Variants in CACNA1C observed in about 807,000 individuals in gnomAD.
The protein encoded by CACNA1C is calcium voltage-gated channel subunit alpha1 C.
CACNA1C carries 30 observed loss-of-function variants against 229.0 expected under a neutral mutation model. That is an observed-to-expected ratio of 0.13 (90% CI 0.10 to 0.18). The LOEUF is 0.18. Ranked by LOEUF, CACNA1C falls within the 10% of genes least tolerant of loss-of-function variation. CACNA1C has a pLI of 1.00. For missense variants in CACNA1C, 1,658 were observed against 2,845.0 expected, an observed-to-expected ratio of 0.58 and a Z score of 9.49; for synonymous variants, 1,114 against 1,132.5, an observed-to-expected ratio of 0.98 and a Z score of 0.33.
chr12:2,538,808 T>C (rs1208450117), intron 9 of CACNA1C, among the ~76,000 whole-genome samples: 1 of 152,204 alleles, frequency 6.6e-6, no homozygotes, highest in Non-Finnish European at 1.5e-5. Context: ...ACTTTCCAAG[T>C]TATTGTTTTC....
chr12:2,594,249 GA>G (rs1243023316), intron 19 of CACNA1C, among the ~76,000 whole-genome samples: 2 of 152,116 alleles, frequency 1.3e-5, no homozygotes, highest in African/African-American at 4.8e-5. Flanking sequence ...TTCAGTTATT[GA>G]AAAAGTACAG....
intron 3 of CACNA1C, among the ~76,000 whole-genome samples, chr12:2,317,509 G>A (rs1260800465): frequency 6.6e-6 from 1 of 152,148 alleles, no homozygotes; most frequent in Non-Finnish European, 1.5e-5. Flanking sequence ...GGGGAATGGG[G>A]AGCTATTGAA....
intron 3 of CACNA1C, among the ~76,000 whole-genome samples, chr12:2,296,756 T>C (rs112232495): frequency 0.022 from 3,378 of 152,340 alleles, 112 homozygotes; most frequent in African/African-American, 0.078. Flanking sequence ...GTCTGTGGTC[T>C]AACAGTACGG....
intron 1 of CACNA1C, among the ~76,000 whole-genome samples, chr12:2,019,337 G>T (rs759664718): frequency 3.9e-5 from 6 of 152,034 alleles, no homozygotes; most frequent in African/African-American, 7.2e-5. Context: ...TGTGGCACGT[G>T]CCTGTAGTCC....
chr12:2,635,359 C>T (rs748264142), intron 30 of CACNA1C, among the ~76,000 whole-genome samples: 9 of 152,308 alleles, frequency 5.9e-5, no homozygotes, highest in Non-Finnish European at 8.8e-5. Context: ...AGCCTTCTTG[C>T]GGTCTTTAAC....
At chr12:2,025,292 A>G (rs1438307400) in intron 1 of CACNA1C, among the ~76,000 whole-genome samples, 1 of 152,148 alleles carries the variant, frequency 6.6e-6, no homozygotes, top group African/African-American at 2.4e-5. Flanking sequence ...CATCTGGAAG[A>G]GCTGATTCCA....
intron 3 of CACNA1C, among the ~76,000 whole-genome samples, chr12:2,302,204 T>A (rs1024169940): frequency 2.0e-4 from 30 of 152,198 alleles, no homozygotes; most frequent in African/African-American, 7.0e-4. Flanking sequence ...GAGGCCTCAT[T>A]CTTGCTATTA....
chr12:2,251,416 C>T (rs1319604873), intron 3 of CACNA1C, among the ~76,000 whole-genome samples: 1 of 152,166 alleles, frequency 6.6e-6, no homozygotes, highest in African/African-American at 2.4e-5. Flanking sequence ...GAAAATTCTC[C>T]CCTGCAAGGG....
At chr12:2,399,604 TCTTCTCTC>T (rs1271797698) in intron 3 of CACNA1C, among the ~76,000 whole-genome samples, 1 of 152,200 alleles carries the variant, frequency 6.6e-6, no homozygotes, top group Non-Finnish European at 1.5e-5. Context: ...ACACCTCTTC[TCTTCTCTC>T]CTTCTCTGCC....
intron 3 of CACNA1C, among the ~76,000 whole-genome samples, chr12:2,227,273 A>G (rs1195780375): frequency 3.3e-5 from 5 of 152,192 alleles, no homozygotes; most frequent in Non-Finnish European, 7.3e-5. Context: ...GAGCATTTCA[A>G]GCTTTGAGTG....
chr12:2,201,757 C>A (rs930252136), intron 3 of CACNA1C, among the ~76,000 whole-genome samples: 15 of 152,160 alleles, frequency 9.9e-5, no homozygotes, highest in South Asian at 6.2e-4. Flanking sequence ...GCGTGTCTTC[C>A]TTGAGTGAGG....
chr12:1,980,504 C>T (rs1404434039), intron 1 of CACNA1C, among the ~76,000 whole-genome samples: 1 of 151,812 alleles, frequency 6.6e-6, no homozygotes, highest in Non-Finnish European at 1.5e-5. Context: ...TACATGTTCT[C>T]AATATGTTTT....
chr12:2,155,104 C>G (rs2095490447), intron 3 of CACNA1C, among the ~76,000 whole-genome samples: 1 of 152,202 alleles, frequency 6.6e-6, no homozygotes, highest in South Asian at 2.1e-4. Context: ...CTTGCAATCC[C>G]ACAGGCGCAC....
Position 2,027,472 on chromosome 12 carries a change from G to A in CACNA1C, c.139+56271G>A, listed in dbSNP as rs113996628. On this transcript the variant is annotated intron_variant, in intron 1 of 46. Coordinates refer to the CACNA1C transcript ENST00000682462. ...TGAAAATAAATTATCTTTATGCTGCGGCTGCTATTAATATATTCCTGTTTG... is the reference window on the plus strand; with the variant it reads ...TGAAAATAAATTATCTTTATGCTGCAGCTGCTATTAATATATTCCTGTTTG... Among the ~76,000 whole-genome samples, 702 of 152,174 alleles carry A rather than the reference G, an allele frequency of 4.6e-3. 4 individuals are homozygous for A. The highest frequency in any genetic ancestry group is 0.016 in the African/African-American group (675 of 41,508).
upstream of CACNA1C, among the ~76,000 whole-genome samples, chr12:2,051,128 T>G (rs1458340702): frequency 6.6e-6 from 1 of 152,230 alleles, no homozygotes; most frequent in Non-Finnish European, 1.5e-5. Flanking sequence ...CTGTCAGTAC[T>G]GAATCAGGAT....
intron 3 of CACNA1C, among the ~76,000 whole-genome samples, chr12:2,373,128 TC>T (rs1436177814): frequency 6.6e-6 from 1 of 152,232 alleles, no homozygotes; most frequent in African/African-American, 2.4e-5. Context: ...AAAGAGACTT[TC>T]AGCGAAGGAG....
At chr12:2,033,866 C>T (rs2048650808) in intron 1 of CACNA1C, among the ~76,000 whole-genome samples, 1 of 152,148 alleles carries the variant, frequency 6.6e-6, no homozygotes, top group Non-Finnish European at 1.5e-5. Flanking sequence ...TTTGCCTGGC[C>T]CTGGCCATAC....
chr12:2,579,470 C>T (rs558882001), intron 13 of CACNA1C, among the ~76,000 whole-genome samples: 30 of 152,208 alleles, frequency 2.0e-4, no homozygotes, highest in African/African-American at 7.0e-4. Flanking sequence ...GCCCCAGAGT[C>T]AGCCCCAGAG....
rs372055026 is a variant in CACNA1C at position 2,378,456 on chromosome 12, T to C, written c.478-70520T>C. 2.4e-4 allele frequency among the ~76,000 whole-genome samples: 36 copies of C among 152,298 alleles called. No individual in the cohort carries two copies. The East Asian group carries it at 5.0e-3, about 21-fold the overall frequency. ...CAAAAGCGCCTGTCTTCATTACCCA[T>C]GATTCCTCAAATCATCAAACGTAAG... is the stretch of plus-strand genomic sequence containing the variant. On this transcript the variant is annotated intron_variant, in intron 3 of 46. Transcript: ENST00000399655.
Sources: allele counts gnomAD v4.1 joint callset (sites outside exome capture counted in the v4.1 genomes callset), GRCh38; gene constraint gnomAD v4.1.1; transcripts MANE v1.5; gene names NCBI Gene and HGNC (gene_info 2026-07-23, HGNC 2026-07-21).